The following CPQ variants were observed in gnomAD, a reference collection of about 807,000 sequenced individuals.
The protein encoded by CPQ is carboxypeptidase Q.
Under a neutral mutation model 45.7 loss-of-function variants are expected in CPQ, and 37 were observed. The ratio of observed to expected loss-of-function variants is 0.81; its 90% CI spans 0.62 to 1.07. The LOEUF (loss-of-function observed/expected upper bound fraction) is 1.07. Among genes scored for constraint, CPQ ranks in the 50% least tolerant of loss-of-function variants. The pLI, the probability that CPQ is intolerant of heterozygous loss-of-function variation, is 0.00. For synonymous variants in CPQ, 186 were observed against 205.8 expected (o/e 0.90, Z 0.82); for missense variants, 537 against 572.9 (o/e 0.94, Z 0.64).
At chr8:96,919,104 G>T (rs545575259) in intron 4 of CPQ, among the ~76,000 whole-genome samples, 1 of 151,942 alleles carries the variant, frequency 6.6e-6, no homozygotes, top group African/African-American at 2.4e-5. Context: ...ATTTTGTGTG[G>T]TTCAGTGTTA....
intron 4 of CPQ, among the ~76,000 whole-genome samples, chr8:96,943,725 A>C (rs1340916904): frequency 1.3e-5 from 2 of 152,182 alleles, no homozygotes; most frequent in African/African-American, 4.8e-5. Context: ...ATAACATAAC[A>C]ACTGTGAGAA....
At chr8:96,817,427 T>G (rs556360093) in intron 2 of CPQ, among the ~76,000 whole-genome samples, 3 of 152,254 alleles carry the variant, frequency 2.0e-5, no homozygotes, top group African/African-American at 7.2e-5. Flanking sequence ...TTTTCTTTTG[T>G]AGCTTCCTTA....
chr8:96,735,782 C>T (rs1809974627), intron 1 of CPQ, among the ~76,000 whole-genome samples: 1 of 152,102 alleles, frequency 6.6e-6, no homozygotes, highest in South Asian at 2.1e-4. Flanking sequence ...CTTTCAGGTG[C>T]CTGCCCAATT....
At chr8:96,707,654 A>T in intron 1 of CPQ, among the ~76,000 whole-genome samples, 1 of 151,838 alleles carries the variant, frequency 6.6e-6, no homozygotes, top group Non-Finnish European at 1.5e-5. Flanking sequence ...AAACAACACA[A>T]TTTCATTTTA....
chr8:96,770,804 C>T (rs1435588348), intron 1 of CPQ, among the ~76,000 whole-genome samples: 3 of 148,350 alleles, frequency 2.0e-5, no homozygotes, highest in Non-Finnish European at 4.5e-5. Flanking sequence ...AGTAAGTGAA[C>T]ATAGGCAGGC....
chr8:96,859,223 G>C (rs1811896230), intron 3 of CPQ, among the ~76,000 whole-genome samples: 1 of 152,178 alleles, frequency 6.6e-6, no homozygotes, highest in African/African-American at 2.4e-5. Context: ...CAGAAGCATG[G>C]CCCTCCAGGG....
chr8:96,922,130 T>G (rs1812817415), intron 4 of CPQ, among the ~76,000 whole-genome samples: 1 of 152,200 alleles, frequency 6.6e-6, no homozygotes, highest in African/African-American at 2.4e-5. Context: ...CCTGTGTTGT[T>G]CTTGTGTGAC....
chr8:96,983,188 A>C (rs1245522978), intron 5 of CPQ, among the ~76,000 whole-genome samples: 1 of 152,202 alleles, frequency 6.6e-6, no homozygotes. Flanking sequence ...TTGAATTTAC[A>C]TAACTGGTAT....
chr8:96,671,827 T>C (rs1809007911), intron 1 of CPQ, among the ~76,000 whole-genome samples: 1 of 152,144 alleles, frequency 6.6e-6, no homozygotes, highest in African/African-American at 2.4e-5. Context: ...ACCTGTAGAA[T>C]CTCTTTGAAG....
intron 7 of CPQ, among the ~76,000 whole-genome samples, chr8:97,099,680 A>C (rs187540745): frequency 2.6e-5 from 4 of 152,282 alleles, no homozygotes; most frequent in Non-Finnish European, 4.4e-5. Context: ...ATTAATGAGC[A>C]CAATAATTCA....
chr8:97,024,249 C>T (rs913267603), intron 5 of CPQ, among the ~76,000 whole-genome samples: 1 of 152,088 alleles, frequency 6.6e-6, no homozygotes, highest in African/African-American at 2.4e-5. Context: ...CTCTCATCCC[C>T]GGCCTCCAGT....
chr8:96,742,376 C>T (rs559066392), intron 1 of CPQ, among the ~76,000 whole-genome samples: 10 of 152,268 alleles, frequency 6.6e-5, no homozygotes, highest in African/African-American at 2.4e-4. Flanking sequence ...TGTCTCTGTC[C>T]ATGAGATGGG....
intron 4 of CPQ, among the ~76,000 whole-genome samples, chr8:96,896,153 T>C (rs1812439425): frequency 6.6e-6 from 1 of 152,140 alleles, no homozygotes. Flanking sequence ...GGGGATATTG[T>C]ACAGACAATA....
intron 2 of CPQ, among the ~76,000 whole-genome samples, chr8:96,785,757 A>G (rs565799705): frequency 2.4e-4 from 37 of 152,312 alleles, no homozygotes; most frequent in Non-Finnish European, 4.7e-4. Context: ...AATTATTTTT[A>G]TAGAACTGAG....
At chr8:96,846,949 G>A (rs972850535) in intron 3 of CPQ, among the ~76,000 whole-genome samples, 1 of 152,226 alleles carries the variant, frequency 6.6e-6, no homozygotes, top group Admixed American at 6.5e-5. Flanking sequence ...AAGAATATAA[G>A]GGAGTTATTT....
Position 97,025,686 on chromosome 8 carries a change from G to A in CPQ, c.962-3717G>A, listed in dbSNP as rs543684237. Among the ~76,000 whole-genome samples, 6 of 152,220 alleles carry A rather than the reference G, an allele frequency of 3.9e-5. No individual in the cohort carries two copies. In the East Asian group the frequency reaches 7.7e-4, roughly 20 times the overall value. ...ATCTGCCACAGAATTAATTCCCTAC[G>A]TTTGACCTCATATTACTTTGTTTTG... On this transcript the variant is annotated intron_variant, in intron 5 of 7. Coordinates refer to ENST00000220763, the MANE Select transcript of CPQ (RefSeq NM_016134.4).
chr8:97,124,056 T>C (rs983126104), intron 7 of CPQ, among the ~76,000 whole-genome samples: 1 of 151,584 alleles, frequency 6.6e-6, no homozygotes, highest in Non-Finnish European at 1.5e-5. Context: ...AAACCCCATC[T>C]CTACTAAAGA....
intron 1 of CPQ, among the ~76,000 whole-genome samples, chr8:96,731,554 T>C (rs547167555): frequency 6.6e-6 from 1 of 152,196 alleles, no homozygotes; most frequent in Non-Finnish European, 1.5e-5. Context: ...GTGGAGTTTG[T>C]TCACTGCTGA....
At chr8:97,089,483 C>T (rs1000911926) in intron 7 of CPQ, among the ~76,000 whole-genome samples, 1 of 151,888 alleles carries the variant, frequency 6.6e-6, no homozygotes, top group African/African-American at 2.4e-5. Context: ...CAGAATAGTC[C>T]GCTAGTTCTT....
Sources: allele counts gnomAD v4.1 joint callset (sites outside exome capture counted in the v4.1 genomes callset), GRCh38; gene constraint gnomAD v4.1.1; transcripts MANE v1.5; gene names NCBI Gene and HGNC (gene_info 2026-07-23, HGNC 2026-07-21).